The following ZFAND4 variants were observed in gnomAD, a reference collection of about 807,000 sequenced individuals.
The protein encoded by ZFAND4 is zinc finger AN1-type containing 4, also known as AN1-type zinc finger protein 4.
A neutral mutation model predicts 64.4 loss-of-function variants in ZFAND4; 43 were observed. The observed-to-expected ratio is 0.67, with a 90% CI of 0.52 to 0.86. ZFAND4 has a LOEUF of 0.86. Ranked by LOEUF, ZFAND4 falls within the 40% of genes least tolerant of loss-of-function variation. ZFAND4 has a pLI of 0.00. For missense variants in ZFAND4, 929 were observed against 859.8 expected (o/e 1.08, Z -1.01); for synonymous variants, 296 against 305.7 (o/e 0.97, Z 0.33).
In ZFAND4 at chr10:45,637,156, C is replaced by T. The variant is rs1324643921; in HGVS notation, c.717+2660G>A. 2.6e-5 allele frequency among the ~76,000 whole-genome samples: 4 copies of T among 151,744 alleles called. No homozygotes were observed. The East Asian group carries it at 5.9e-4, about 22-fold the overall frequency. ...AGGAGTTTGAGACCAGCCTGGCCAA[C>T]ATGGCAAAACCCCATCTCTACTAAA... On this transcript the variant is annotated intron_variant, in intron 6 of 9. Transcript: ENST00000344646.
intron 1 of ZFAND4, among the ~76,000 whole-genome samples, chr10:45,665,067 GT>G (rs1479712030): frequency 6.6e-6 from 1 of 152,184 alleles, no homozygotes; most frequent in Non-Finnish European, 1.5e-5. Context: ...ATAAGTATGA[GT>G]GGTAAGCCCA....
chr10:45,626,987 CA>C lies in ZFAND4; in HGVS notation c.835del (p.Cys279ValfsTer93), dbSNP rs1270676078. 12 of 1,613,838 alleles carry C rather than the reference CA, an allele frequency of 7.4e-6. No individual in the cohort carries two copies. Among genetic ancestry groups the C allele is most frequent in the Non-Finnish European group, 1.0e-5 (12 of 1,179,840 alleles). ...LRVLPNIGQS[C>X]SPAFGNAYPP... ...ATATGCATTCCCAAAAGCAGGTGAA[CA>C]AGATTGACCAATGTTGGGGAGGACC... is the stretch of plus-strand genomic sequence containing the variant. On this transcript the variant is annotated frameshift_variant, in exon 7 of 10. Transcript: ENST00000344646. LOFTEE classifies it high-confidence loss of function.
At chr10:45,656,153 C>T (rs1454262572) in intron 2 of ZFAND4, among the ~76,000 whole-genome samples, 2 of 152,128 alleles carry the variant, frequency 1.3e-5, no homozygotes, top group Non-Finnish European at 2.9e-5. Context: ...ATGGCTTGAA[C>T]CCGGGAGGCG....
At chr10:45,640,482 T>G in intron 5 of ZFAND4, 2 of 1,141,556 alleles carry the variant, frequency 1.8e-6, no homozygotes, top group Non-Finnish European at 2.2e-6. Context: ...TTTCTATTCT[T>G]AAGGAGCAAA....
intron 5 of ZFAND4, among the ~76,000 whole-genome samples, chr10:45,645,305 T>C (rs1369828896): frequency 6.6e-6 from 1 of 152,206 alleles, no homozygotes. Context: ...TTATTCATTG[T>C]ATTATTCATC....
chr10:45,672,716 G>A lies in ZFAND4; in HGVS notation c.-584C>T, dbSNP rs1457472263. The A allele has an allele frequency of 6.6e-6, 1 of 152,242 alleles. No homozygotes were observed. Among genetic ancestry groups the A allele is most frequent in the Non-Finnish European group, 1.5e-5 (1 of 68,090 alleles). The allele number at this position is 152,242 out of a possible 1,614,324, so 9.4% of individuals were successfully genotyped here. Reference sequence around the variant, plus strand: ...CCGCTGGCTCGCTCGCCCGCCTACAGGTCGACAGGGCCCAACGACCCGGCG... The same window carrying A: ...CCGCTGGCTCGCTCGCCCGCCTACAAGTCGACAGGGCCCAACGACCCGGCG... On this transcript the variant is annotated 5_prime_UTR_variant, in exon 1 of 10. Transcript: ENST00000344646.
Position 45,648,281 on chromosome 10 carries a change from G to A in ZFAND4, c.569+13C>T. 3 of 1,578,976 alleles carry A rather than the reference G, an allele frequency of 1.9e-6. No individual in the cohort carries two copies. The highest frequency in any genetic ancestry group is 1.4e-5 in the African/African-American group (1 of 73,644). On this transcript the variant is annotated intron_variant, in intron 5 of 9. Coordinates refer to ENST00000344646, the MANE Select transcript of ZFAND4 (RefSeq NM_174890.4). ...TTTTGACAACACAAGGTAAACAAAAGTTTATGGAGTACCTCATACGATGTT... is the reference window on the plus strand; with the variant it reads ...TTTTGACAACACAAGGTAAACAAAAATTTATGGAGTACCTCATACGATGTT...
chr10:45,625,990 C>A lies in ZFAND4; in HGVS notation c.1833G>T (p.Arg611Ser). The stretch of plus-strand genomic sequence containing the variant: ...TATGTTCTAACTGGGGAGAACTTTT[C>A]CTAAAGTTTTCTTCCTGAAAATGCT... ...NLQHFQEENF[R>S]KSSPQLEHTG... is the part of the protein sequence containing the mutation. Residue 611 changes from arginine (R) to serine (S), a missense_variant, in exon 7 of 10, where the codon AGG becomes AGT. Coordinates refer to ENST00000344646, the MANE Select transcript of ZFAND4 (RefSeq NM_174890.4). 6.2e-7 allele frequency: 1 copy of A among 1,614,076 alleles called. No homozygotes were observed. Among genetic ancestry groups the A allele is most frequent in the Non-Finnish European group, 8.5e-7 (1 of 1,180,016 alleles).
intron 1 of ZFAND4, among the ~76,000 whole-genome samples, chr10:45,668,005 T>G (rs1031629045): frequency 6.6e-6 from 1 of 152,246 alleles, no homozygotes; most frequent in Non-Finnish European, 1.5e-5. Flanking sequence ...GCCAATTTTA[T>G]CAAACGCTTT....
chr10:45,669,358 A>G (rs1392751596), intron 1 of ZFAND4, among the ~76,000 whole-genome samples: 1 of 152,200 alleles, frequency 6.6e-6, no homozygotes, highest in South Asian at 2.1e-4. Context: ...GAAGAAACCA[A>G]TAACAGGCTC....
intron 5 of ZFAND4, among the ~76,000 whole-genome samples, chr10:45,646,830 A>G (rs2047417198): frequency 6.6e-6 from 1 of 152,216 alleles, no homozygotes; most frequent in South Asian, 2.1e-4. Context: ...TAATGGCCTA[A>G]GGCTGTAACC....
At chr10:45,666,048 G>A (rs2048804539) in intron 1 of ZFAND4, among the ~76,000 whole-genome samples, 1 of 152,146 alleles carries the variant, frequency 6.6e-6, no homozygotes, top group African/African-American at 2.4e-5. Flanking sequence ...AAGTTTTTGT[G>A]TAAACATATG....
chr10:45,626,504 T>C lies in ZFAND4; in HGVS notation c.1319A>G (p.Gln440Arg), dbSNP rs1304254663. 1.2e-6 allele frequency: 2 copies of C among 1,613,988 alleles called. No individual in the cohort carries two copies. The highest frequency in any genetic ancestry group is 1.7e-5 in the Admixed American group (1 of 60,026). Residue 440 changes from glutamine (Q) to arginine (R), a missense_variant, in exon 7 of 10, where the codon CAG becomes CGG. By Grantham distance (43) the Gln-to-Arg change is conservative. Transcript: ENST00000344646. The part of the protein sequence containing the change: ...NADKGLKAPE[Q>R]HLKHVAGVLN... ...CACTCCTGCAACATGCTTGAGATGCTGCTCTGGAGCTTTCAACCCTTTGTC... is the reference window on the plus strand; with the variant it reads ...CACTCCTGCAACATGCTTGAGATGCCGCTCTGGAGCTTTCAACCCTTTGTC...
At chr10:45,627,168 A>G in intron 6 of ZFAND4, 63 bp from the exon 7 acceptor site, 1 of 1,364,600 alleles carries the variant, frequency 7.3e-7, no homozygotes, top group Non-Finnish European at 9.8e-7. Context: ...AACAAAAATT[A>G]GCGAAGGAAG....
chr10:45,638,919 C>G (rs571094150), intron 6 of ZFAND4, among the ~76,000 whole-genome samples: 3 of 152,200 alleles, frequency 2.0e-5, no homozygotes, highest in African/African-American at 7.2e-5. Context: ...GATGTAAGAA[C>G]AGTCGTTATT....
chr10:45,616,971 G>A (rs1039588277), intron 9 of ZFAND4, among the ~76,000 whole-genome samples: 3 of 151,964 alleles, frequency 2.0e-5, no homozygotes, highest in South Asian at 4.2e-4. Context: ...CCAGCTACTC[G>A]GGAGGCTGAG....
At chr10:45,654,452 C>T (rs1162545016) in intron 2 of ZFAND4, among the ~76,000 whole-genome samples, 3 of 152,038 alleles carry the variant, frequency 2.0e-5, no homozygotes, top group Admixed American at 6.5e-5. Context: ...AACCCCGTCT[C>T]TACTAAAAAT....
intron 2 of ZFAND4, among the ~76,000 whole-genome samples, chr10:45,656,185 C>T (rs1005160204): frequency 1.3e-5 from 2 of 152,034 alleles, no homozygotes; most frequent in Non-Finnish European, 2.9e-5. Flanking sequence ...GAGCTGAGAT[C>T]GCACCACTGC....
intron 6 of ZFAND4, among the ~76,000 whole-genome samples, chr10:45,631,859 T>C (rs531598616): frequency 2.0e-5 from 3 of 151,840 alleles, no homozygotes; most frequent in South Asian, 4.2e-4. Flanking sequence ...AATAGGAAAA[T>C]ACAAAAATAG....
Sources: allele counts gnomAD v4.1 joint callset (sites outside exome capture counted in the v4.1 genomes callset), GRCh38; gene constraint gnomAD v4.1.1; transcripts MANE v1.5; gene names NCBI Gene and HGNC (gene_info 2026-07-23, HGNC 2026-07-21).